Variants in INPP4B observed in about 807,000 individuals in gnomAD.
INPP4B encodes inositol polyphosphate-4-phosphatase type II B.
Under a neutral mutation model 122.5 loss-of-function variants are expected in INPP4B, and 55 were observed. The observed-to-expected ratio is 0.45, with a 90% CI of 0.36 to 0.56. INPP4B has a LOEUF of 0.56. Among genes scored for constraint, INPP4B ranks in the 20% least tolerant of loss-of-function variants. The probability of loss-of-function intolerance (pLI) is 0.00; values close to 1 mark genes in which losing one functional copy is unlikely to be tolerated. For missense variants in INPP4B, 1,000 were observed against 1,097.7 expected (o/e 0.91, Z 1.26); for synonymous variants, 403 against 388.7 (o/e 1.04, Z -0.43).
At chr4:142,473,992 T>C (rs1377437392) in intron 2 of INPP4B, among the ~76,000 whole-genome samples, 1 of 151,390 alleles carries the variant, frequency 6.6e-6, no homozygotes, top group African/African-American at 2.4e-5. Context: ...GTACTCAGCC[T>C]TAAGGCATAG....
intron 7 of INPP4B, among the ~76,000 whole-genome samples, chr4:142,363,184 A>C (rs1786109085): frequency 6.6e-6 from 1 of 152,030 alleles, no homozygotes; most frequent in Non-Finnish European, 1.5e-5. Context: ...GATTAAACAC[A>C]TACGCACATA....
intron 2 of INPP4B, among the ~76,000 whole-genome samples, chr4:142,604,923 C>G (rs889906604): frequency 2.6e-5 from 4 of 151,978 alleles, no homozygotes; most frequent in Admixed American, 2.6e-4. Context: ...AAATCCTAAG[C>G]AAAAAGAACA....
At chr4:142,242,632 C>T (rs377520027) in intron 11 of INPP4B, among the ~76,000 whole-genome samples, 19 of 152,276 alleles carry the variant, frequency 1.2e-4, no homozygotes, top group African/African-American at 4.1e-4. Context: ...GCCAGTATGC[C>T]TCTGATCAAG....
intron 2 of INPP4B, among the ~76,000 whole-genome samples, chr4:142,464,381 T>C (rs1817325984): frequency 6.6e-6 from 1 of 152,106 alleles, no homozygotes; most frequent in Admixed American, 6.6e-5. Flanking sequence ...AAAGAAACAT[T>C]CCCCTAGTAA....
At chr4:142,362,941 C>T (rs1405180624) in intron 7 of INPP4B, among the ~76,000 whole-genome samples, 1 of 151,934 alleles carries the variant, frequency 6.6e-6, no homozygotes, top group African/African-American at 2.4e-5. Context: ...CAGCCTCATG[C>T]AATATATCCT....
intron 15 of INPP4B, among the ~76,000 whole-genome samples, chr4:142,192,865 T>A (rs558777015): frequency 6.6e-6 from 1 of 152,250 alleles, no homozygotes; most frequent in African/African-American, 2.4e-5. Context: ...TCCAGAAGAT[T>A]TTCTGCCATC....
At chr4:142,501,112 C>T (rs947163189) in intron 2 of INPP4B, among the ~76,000 whole-genome samples, 1 of 152,152 alleles carries the variant, frequency 6.6e-6, no homozygotes, top group Non-Finnish European at 1.5e-5. Context: ...GAGTGCCTAA[C>T]TTCCGTAAGC....
rs1052547586 is a variant in INPP4B at position 142,795,757 on chromosome 4, T to A, written c.-254+50452A>T. On this transcript the variant is annotated intron_variant, in intron 1 of 25. Transcript: ENST00000262992. ...CATCAATGCGGCCAAAAAAACTATG[T>A]CATCTCTGTTCACCCAATGCTTTAG... is the stretch of plus-strand genomic sequence containing the variant. 58 of 152,134 alleles carry A rather than the reference T, an allele frequency of 3.8e-4. 1 individual carries two copies. Among genetic ancestry groups the A allele is most frequent in the Admixed American group, 3.7e-3 (56 of 15,218 alleles). 9.4% of individuals were successfully genotyped at this position (152,134 alleles called of 1,614,324 possible).
chr4:142,740,494 T>A (rs1767747290), intron 1 of INPP4B, among the ~76,000 whole-genome samples: 1 of 152,144 alleles, frequency 6.6e-6, no homozygotes, highest in East Asian at 1.9e-4. Flanking sequence ...AAGGGCAAAA[T>A]GAAGTCGGAG....
chr4:142,454,290 C>T (rs1320176612), intron 3 of INPP4B, among the ~76,000 whole-genome samples: 1 of 152,082 alleles, frequency 6.6e-6, no homozygotes, highest in Non-Finnish European at 1.5e-5. Context: ...TTTCCTTTCA[C>T]ATTCTGCCCT....
chr4:142,570,316 CT>C (rs1732530358), intron 2 of INPP4B, among the ~76,000 whole-genome samples: 4 of 151,904 alleles, frequency 2.6e-5, no homozygotes. Flanking sequence ...ACTTACAGCT[CT>C]TATTACACTT....
chr4:142,588,743 T>A (rs1736784891), intron 2 of INPP4B, among the ~76,000 whole-genome samples: 1 of 151,782 alleles, frequency 6.6e-6, no homozygotes, highest in African/African-American at 2.4e-5. Context: ...AAAGACTCAA[T>A]ATTATCAAGA....
intron 2 of INPP4B, among the ~76,000 whole-genome samples, chr4:142,672,143 C>T (rs1757082034): frequency 6.6e-6 from 1 of 152,178 alleles, no homozygotes; most frequent in Non-Finnish European, 1.5e-5. Context: ...AGTTGAAACA[C>T]ATTTTCATAG....
intron 7 of INPP4B, among the ~76,000 whole-genome samples, chr4:142,359,517 C>T (rs917178873): frequency 1.3e-5 from 2 of 151,940 alleles, no homozygotes; most frequent in Admixed American, 6.6e-5. Context: ...ATCATCTAAA[C>T]CTCGTCCCAT....
chr4:142,658,787 C>A (rs10002341), intron 2 of INPP4B, among the ~76,000 whole-genome samples: 5,266 of 152,260 alleles, frequency 0.035, 317 homozygotes, highest in African/African-American at 0.12. Context: ...CTCATCTATG[C>A]AGTCCCTGTA....
chr4:142,427,613 T>C, intron 5 of INPP4B: 1 of 402,486 alleles, frequency 2.5e-6, no homozygotes, highest in Non-Finnish European at 4.4e-6. Flanking sequence ...AGTATGCCAT[T>C]TCTTGAAGGC....
chr4:142,757,585 TTCCTCCG>T (rs1561035923), intron 1 of INPP4B, among the ~76,000 whole-genome samples: 1 of 152,166 alleles, frequency 6.6e-6, no homozygotes, highest in Non-Finnish European at 1.5e-5. Flanking sequence ...TTATTTAAGC[TTCCTCCG>T]TGTCTTTTTC....
intron 1 of INPP4B, among the ~76,000 whole-genome samples, chr4:142,743,111 C>T (rs1768139025): frequency 6.6e-6 from 1 of 151,872 alleles, no homozygotes; most frequent in South Asian, 2.1e-4. Context: ...TGGATTAGTC[C>T]ATTCTGTACA....
At chr4:142,539,505 T>C (rs1828685042) in intron 2 of INPP4B, among the ~76,000 whole-genome samples, 1 of 152,046 alleles carries the variant, frequency 6.6e-6, no homozygotes, top group Non-Finnish European at 1.5e-5. Flanking sequence ...AAGAACACAA[T>C]TTAAGGTGTT....
Sources: gnomAD v4.1 joint callset for allele counts (sites outside exome capture counted in the v4.1 genomes callset) on GRCh38, gnomAD v4.1.1 for gene constraint, MANE v1.5 for transcripts, NCBI Gene and HGNC (gene_info 2026-07-23, HGNC 2026-07-21) for gene names.